SLC16A2: variants seen among roughly 807,000 people sequenced by gnomAD.
SLC16A2 encodes solute carrier family 16 member 2.
A neutral mutation model predicts 27.2 loss-of-function variants in SLC16A2; 3 were observed. The observed-to-expected ratio is 0.11, with a 90% confidence interval of 0.05 to 0.28. SLC16A2 has a LOEUF of 0.28. Among genes scored for constraint, SLC16A2 ranks in the 10% least tolerant of loss-of-function variants. The probability of loss-of-function intolerance (pLI) is 1.00; values close to 1 mark genes in which losing one functional copy is unlikely to be tolerated. For missense variants in SLC16A2, 295 were observed against 458.5 expected, an observed-to-expected ratio of 0.64 and a Z score of 3.26; for synonymous variants, 202 against 187.8, an observed-to-expected ratio of 1.08 and a Z score of -0.62.
intron 1 of SLC16A2, among the ~76,000 whole-genome samples, chrX:74,509,310 G>A (rs1473477173): frequency 9.0e-6 from 1 of 111,546 alleles, no homozygotes; most frequent in Non-Finnish European, 1.9e-5. Context: ...TTCACAAGAT[G>A]ATGTTAGCTA....
At chrX:74,435,013 G>C (rs1313085750) in intron 1 of SLC16A2, among the ~76,000 whole-genome samples, 1 of 100,251 alleles carries the variant, frequency 1.0e-5, no homozygotes, top group African/African-American at 3.8e-5. Context: ...TTTTTTTTTA[G>C]TAGAGACGGG....
At chrX:74,473,106 C>A in intron 1 of SLC16A2, 1 of 558,922 alleles carries the variant, frequency 1.8e-6, no homozygotes, top group Non-Finnish European at 3.2e-6. Flanking sequence ...TTGGCCTCCA[C>A]CACCATAGGG....
chrX:74,460,946 C>T (rs904743141), intron 1 of SLC16A2, among the ~76,000 whole-genome samples: 46 of 111,660 alleles, frequency 4.1e-4, no homozygotes, highest in South Asian at 7.5e-4. Context: ...CCACTGTGCC[C>T]GGCCAACATT....
chrX:74,510,283 G>A (rs1453144404), intron 1 of SLC16A2, among the ~76,000 whole-genome samples: 1 of 111,576 alleles, frequency 9.0e-6, no homozygotes, highest in Admixed American at 9.5e-5. Context: ...TTAGGTGAAT[G>A]TCTGACAATC....
At chrX:74,446,441 G>A (rs1229147219) in intron 1 of SLC16A2, among the ~76,000 whole-genome samples, 3 of 111,074 alleles carry the variant, frequency 2.7e-5, no homozygotes, top group African/African-American at 9.8e-5. Context: ...GCAACATGGC[G>A]AAACCCCATC....
chrX:74,528,131 T>A (rs985085041), intron 4 of SLC16A2, among the ~76,000 whole-genome samples: 24 of 112,473 alleles, frequency 2.1e-4, no homozygotes, highest in Admixed American at 2.1e-3. Context: ...CTTGGCTAAG[T>A]TGGCTTGCTT....
chrX:74,439,717 C>T (rs1602107462), intron 1 of SLC16A2, among the ~76,000 whole-genome samples: 1 of 108,297 alleles, frequency 9.2e-6, no homozygotes, highest in African/African-American at 3.4e-5. Flanking sequence ...GGGGGTGGTA[C>T]CATGAAGTAT....
intron 1 of SLC16A2, among the ~76,000 whole-genome samples, chrX:74,500,686 TCA>T (rs950300954): frequency 9.0e-6 from 1 of 111,601 alleles, no homozygotes; most frequent in African/African-American, 3.3e-5. Context: ...GATGAATCTC[TCA>T]GAGGCAATTA....
chrX:74,438,992 C>T (rs1390332817), intron 1 of SLC16A2, among the ~76,000 whole-genome samples: 1 of 111,113 alleles, frequency 9.0e-6, no homozygotes, highest in Non-Finnish European at 1.9e-5. Flanking sequence ...TTTTTCAAAA[C>T]GTAGTTAATC....
intron 1 of SLC16A2, among the ~76,000 whole-genome samples, chrX:74,453,270 A>T (rs565350925): frequency 9.0e-6 from 1 of 110,819 alleles, no homozygotes; most frequent in East Asian, 2.9e-4. Flanking sequence ...CCTGACCTCA[A>T]GTGATCCACC....
chrX:74,517,186 A>G (rs1602139522), intron 1 of SLC16A2, among the ~76,000 whole-genome samples: 2 of 112,332 alleles, frequency 1.8e-5, no homozygotes, highest in Middle Eastern at 9.2e-3. Context: ...TGTTATAGTT[A>G]CATAAGGGGA....
At chrX:74,531,164 C>T (rs1298341038) in intron 5 of SLC16A2, among the ~76,000 whole-genome samples, 169 bp from the exon 6 acceptor site, 2 of 112,898 alleles carry the variant, frequency 1.8e-5, no homozygotes, top group Non-Finnish European at 3.7e-5. Flanking sequence ...TGAGCATTCG[C>T]TCAAGGGCCT....
chrX:74,435,637 C>G (rs1288190087), intron 1 of SLC16A2, among the ~76,000 whole-genome samples: 3 of 103,626 alleles, frequency 2.9e-5, no homozygotes, highest in Non-Finnish European at 3.9e-5. Context: ...TAGAAGCTAC[C>G]TGAAAGGTGG....
chrX:74,446,953 G>A lies in SLC16A2; in HGVS notation c.430+24886G>A, dbSNP rs770352998. 4.4e-5 allele frequency among the ~76,000 whole-genome samples: 5 copies of A among 112,456 alleles called. No individual in the cohort carries two copies. In the East Asian group the frequency reaches 1.1e-3, roughly 25 times the overall value. On this transcript the variant is annotated intron_variant, in intron 1 of 5. Coordinates refer to ENST00000587091, the MANE Select transcript of SLC16A2 (RefSeq NM_006517.5). The stretch of plus-strand genomic sequence containing the variant: ...CTGTGACAGATACAGTTCTCCCTAA[G>A]CCTTTAGGTTCAACCTCCTGCCTCC...
At chrX:74,434,322 G>C (rs1364043001) in intron 1 of SLC16A2, among the ~76,000 whole-genome samples, 1 of 112,295 alleles carries the variant, frequency 8.9e-6, no homozygotes, top group Admixed American at 9.4e-5. Flanking sequence ...GGCCCTGATA[G>C]AATTGGAATT....
intron 1 of SLC16A2, among the ~76,000 whole-genome samples, chrX:74,508,229 T>C (rs1466262117): frequency 8.9e-6 from 1 of 112,132 alleles, no homozygotes; most frequent in Admixed American, 9.5e-5. Context: ...AATTTGAGAA[T>C]CAACTTGCAA....
chrX:74,519,095 TA>T, intron 1 of SLC16A2, among the ~76,000 whole-genome samples: 1 of 112,085 alleles, frequency 8.9e-6, no homozygotes, highest in Non-Finnish European at 1.9e-5. Flanking sequence ...ACATTAAGTC[TA>T]TGATCCATTT....
chrX:74,450,733 G>A (rs921458153), intron 1 of SLC16A2, among the ~76,000 whole-genome samples: 2 of 111,750 alleles, frequency 1.8e-5, no homozygotes, highest in African/African-American at 3.3e-5. Flanking sequence ...AAGGTCCTCC[G>A]CTCCTTGCCT....
At chrX:74,476,838 A>G (rs755524478) in intron 1 of SLC16A2, 48 of 111,578 alleles carry the variant, frequency 4.3e-4, no homozygotes, top group African/African-American at 1.5e-3. Context: ...CCACTTGATC[A>G]TGATGGATAA....
Sources: gnomAD v4.1 joint callset for allele counts (sites outside exome capture counted in the v4.1 genomes callset) on GRCh38, gnomAD v4.1.1 for gene constraint, MANE v1.5 for transcripts, NCBI Gene and HGNC (gene_info 2026-07-23, HGNC 2026-07-21) for gene names.